The following FAM227B variants were observed in gnomAD, a reference collection of about 807,000 sequenced individuals.
FAM227B encodes the protein family with sequence similarity 227 member B.
A neutral mutation model predicts 73.8 loss-of-function variants in FAM227B; 88 were observed. That is an observed-to-expected ratio of 1.19 (90% CI 1.00 to 1.42). The LOEUF is 1.42. FAM227B is among the 40% of genes most tolerant of loss of function. The pLI is 0.00. For missense variants in FAM227B, 632 were observed against 590.9 expected, an observed-to-expected ratio of 1.07 and a Z score of -0.72; for synonymous variants, 210 against 190.5, an observed-to-expected ratio of 1.10 and a Z score of -0.84.
intron 11 of FAM227B, among the ~76,000 whole-genome samples, chr15:49,384,324 T>C (rs945906233): frequency 2.0e-5 from 3 of 152,072 alleles, no homozygotes; most frequent in African/African-American, 7.2e-5. Flanking sequence ...AAAACTGCTA[T>C]ATATTATCAC....
intron 11 of FAM227B, among the ~76,000 whole-genome samples, chr15:49,448,992 TA>T (rs971075570): frequency 2.6e-5 from 4 of 151,676 alleles, no homozygotes; most frequent in Admixed American, 6.6e-5. Flanking sequence ...GATATGCCAC[TA>T]AAAAAAACAC....
Position 49,525,691 on chromosome 15 carries a change from T to C in FAM227B, c.874+15989A>G, listed in dbSNP as rs1251021457. ...ATATATATATATATATATATATATA[T>C]ATATATATATATATATATATATATA... On this transcript the variant is annotated intron_variant, in intron 10 of 15. Coordinates refer to ENST00000299338, the MANE Select transcript of FAM227B (RefSeq NM_152647.3). Among the ~76,000 whole-genome samples the C allele has an allele frequency of 8.9e-3, 548 of 61,486 alleles. 31 individuals carry two copies. Among genetic ancestry groups the C allele is most frequent in the African/African-American group, 0.023 (523 of 22,572 alleles). 40.3% of individuals were successfully genotyped at this position (61,486 alleles called of 152,430 possible). A position where few individuals can be genotyped will look rare whatever the true frequency, so the allele number is the denominator to read the frequency against.
chr15:49,590,977 G>A (rs139014128), intron 3 of FAM227B, among the ~76,000 whole-genome samples: 111 of 145,458 alleles, frequency 7.6e-4, no homozygotes, highest in Non-Finnish European at 1.3e-3. Context: ...CATCCACACT[G>A]TCAAAAATAG....
intron 11 of FAM227B, among the ~76,000 whole-genome samples, chr15:49,430,822 C>T (rs995602908): frequency 1.3e-5 from 2 of 151,912 alleles, no homozygotes; most frequent in Admixed American, 6.6e-5. Flanking sequence ...ATGGTCCCAT[C>T]TCTTAATACC....
At chr15:49,448,488 G>T (rs1379872250) in intron 11 of FAM227B, among the ~76,000 whole-genome samples, 1 of 151,492 alleles carries the variant, frequency 6.6e-6, no homozygotes, top group African/African-American at 2.4e-5. Context: ...AATTTTAAAA[G>T]AGTATATTTA....
At chr15:49,366,282 T>G (rs1282565237) in intron 13 of FAM227B, 1 of 787,572 alleles carries the variant, frequency 1.3e-6, no homozygotes, top group East Asian at 2.4e-5. Context: ...GCAATCAGTA[T>G]TTTCACATCA....
intron 11 of FAM227B, among the ~76,000 whole-genome samples, chr15:49,497,470 G>C (rs1026690552): frequency 6.6e-6 from 1 of 152,138 alleles, no homozygotes; most frequent in African/African-American, 2.4e-5. Flanking sequence ...GTTTCTCACC[G>C]TCAATCCATA....
At chr15:49,471,483 A>AT (rs2151966643) in intron 11 of FAM227B, among the ~76,000 whole-genome samples, 1 of 106,002 alleles carries the variant, frequency 9.4e-6, no homozygotes, top group African/African-American at 3.3e-5. Context: ...ACTCTATCTC[A>AT]AAATAATAAT....
chr15:49,461,197 C>T (rs1459861837), intron 11 of FAM227B, among the ~76,000 whole-genome samples: 4 of 152,208 alleles, frequency 2.6e-5, no homozygotes, highest in Non-Finnish European at 5.9e-5. Context: ...TTCCTTACTA[C>T]TTTGCCACTT....
intron 11 of FAM227B, among the ~76,000 whole-genome samples, chr15:49,390,545 G>A (rs1476925054): frequency 6.6e-6 from 1 of 152,072 alleles, no homozygotes; most frequent in Non-Finnish European, 1.5e-5. Context: ...AATGCTCAGA[G>A]CCAATCTAAT....
At chr15:49,548,523 A>T (rs1157186634) in intron 9 of FAM227B, among the ~76,000 whole-genome samples, 1 of 152,202 alleles carries the variant, frequency 6.6e-6, no homozygotes, top group Non-Finnish European at 1.5e-5. Flanking sequence ...TGGTATCCAA[A>T]TAATACTGCC....
chr15:49,366,393 G>A (rs2045194905), intron 13 of FAM227B: 1 of 806,868 alleles, frequency 1.2e-6, no homozygotes, highest in Non-Finnish European at 2.2e-6. Flanking sequence ...GTGTTTTCAA[G>A]AAAATGGCAG....
At position 49,371,361 on chromosome 15, in the gene FAM227B, T is replaced by C. The variant is rs1660915388; in HGVS notation, c.1051A>G (p.Arg351Gly). ...TTGGATATGGGCAACGTATATGCTC[T>C]TGGGTTGTTCAGAATCTTTATAATA... ...FNIIKILNNP[R>G]AYTLPISKEE... The change falls in exon 12 of 16, where the codon AGA (arginine) becomes GGA (glycine). Residue 351 changes from arginine to glycine, a missense_variant. Transcript: ENST00000299338. 2 of 1,600,278 alleles carry C rather than the reference T, an allele frequency of 1.2e-6. No individual in the cohort carries two copies. Among genetic ancestry groups the C allele is most frequent in the South Asian group, 1.1e-5 (1 of 89,426 alleles).
At chr15:49,486,612 T>C (rs1382487592) in intron 11 of FAM227B, 1 of 151,982 alleles carries the variant, frequency 6.6e-6, no homozygotes, top group African/African-American at 2.4e-5. Context: ...AAATAGTGTA[T>C]ATACATATAA....
At chr15:49,414,370 C>T (rs2049066875) in intron 11 of FAM227B, among the ~76,000 whole-genome samples, 1 of 148,686 alleles carries the variant, frequency 6.7e-6, no homozygotes, top group Non-Finnish European at 1.5e-5. Flanking sequence ...TCTGTTAGTC[C>T]ACTTCTCTAC....
At chr15:49,551,226 G>A (rs551086872) in intron 9 of FAM227B, among the ~76,000 whole-genome samples, 2 of 152,274 alleles carry the variant, frequency 1.3e-5, no homozygotes, top group African/African-American at 4.8e-5. Flanking sequence ...GGCCGAGATG[G>A]CAGCAGTACA....
At chr15:49,355,330 T>A (rs1280541495) in intron 13 of FAM227B, among the ~76,000 whole-genome samples, 1 of 152,118 alleles carries the variant, frequency 6.6e-6, no homozygotes, top group African/African-American at 2.4e-5. Flanking sequence ...GCAAAGAAGT[T>A]GAAAACTTTG....
intron 2 of FAM227B, among the ~76,000 whole-genome samples, chr15:49,612,033 C>CT (rs58693077): frequency 0.11 from 15,140 of 135,254 alleles, 868 homozygotes; most frequent in African/African-American, 0.17. Context: ...GCTGAATTTT[C>CT]TTTTTTTTTT....
At chr15:49,343,273 T>A (rs1431842405) in intron 13 of FAM227B, among the ~76,000 whole-genome samples, 2 of 152,146 alleles carry the variant, frequency 1.3e-5, no homozygotes, top group African/African-American at 4.8e-5. Context: ...GAAAGACTGG[T>A]CTTCAAGCTC....
Sources: allele counts gnomAD v4.1 joint callset (sites outside exome capture counted in the v4.1 genomes callset), GRCh38; gene constraint gnomAD v4.1.1; transcripts MANE v1.5; gene names NCBI Gene and HGNC (gene_info 2026-07-23, HGNC 2026-07-21).